MMP20: variants seen among roughly 807,000 people sequenced by gnomAD.
MMP20 encodes matrix metallopeptidase 20.
In MMP20, 50 loss-of-function variants were observed where a neutral mutation model predicts 51.8. The ratio of observed to expected loss-of-function variants is 0.97; its 90% CI spans 0.77 to 1.22. MMP20 has a LOEUF of 1.22. Ranked by LOEUF, MMP20 falls within the 50% of genes most tolerant of loss-of-function variation. The pLI is 0.00. For missense variants in MMP20, 663 were observed against 601.4 expected (o/e 1.10, Z -1.07); for synonymous variants, 244 against 216.2 (o/e 1.13, Z -1.13).
Position 102,609,901 on chromosome 11 carries a change from A to G in MMP20, c.649+4T>C, listed in dbSNP as rs1251799781. The G allele has an allele frequency of 6.2e-7, 1 of 1,614,008 alleles. No homozygotes were observed. Among genetic ancestry groups the G allele is most frequent in the East Asian group, 2.2e-5 (1 of 44,896 alleles). On this transcript the variant is annotated splice_donor_region_variant and intron_variant, in intron 4 of 9. Coordinates refer to ENST00000260228, the MANE Select transcript of MMP20 (RefSeq NM_004771.4). The stretch of plus-strand genomic sequence containing the variant: ...CCAGGTTATGGTGAATTGTGCATAT[A>G]TACCATTCGTTCCCATAGTCCACTT...
rs377682409 is a variant in MMP20, at chr11:102,609,910, G to A, written c.644C>T (p.Thr215Met). The A allele has an allele frequency of 1.4e-4, 232 of 1,613,954 alleles. No homozygotes were observed. Among genetic ancestry groups the A allele is most frequent in the Middle Eastern group, 3.3e-4 (2 of 6,084 alleles). Reference protein sequence around the residue: ...FDNAEKWTMGTNGFNLFTVAA... With the variant: ...FDNAEKWTMGMNGFNLFTVAA... ...GGTGAATTGTGCATATATACCATTC[G>A]TTCCCATAGTCCACTTCTCAGCATT... Residue 215 changes from threonine to methionine, a missense_variant, in exon 4 of 10, where the codon ACG becomes ATG. By Grantham distance (81) the Thr-to-Met change is moderately conservative. Transcript: ENST00000260228.
rs549104854 is a variant in MMP20 at position 102,585,908 on chromosome 11, C to T, written c.1248-6766G>A. On this transcript the variant is annotated intron_variant, in intron 8 of 9. Coordinates refer to ENST00000260228, the MANE Select transcript of MMP20 (RefSeq NM_004771.4). ...TTGTTTTTATTCTATTGATATGGGA[C>T]ATTACATTAATTGATTTTTGGATGA... Among the ~76,000 whole-genome samples the T allele has an allele frequency of 1.4e-4, 21 of 152,150 alleles. No homozygotes were observed. In the East Asian group the frequency reaches 2.9e-3, roughly 21 times the overall value.
At position 102,608,954 on chromosome 11, in the gene MMP20, C is replaced by T; in HGVS notation, c.794G>A (p.Gly265Glu). The change falls in exon 5 of 10, where the codon GGG becomes GAG. Residue 265 changes from glycine to glutamate, a missense_variant. Transcript: ENST00000260228. The part of the protein sequence containing the change: ...GFHLPKDDVK[G>E]IQALYGPRKV... ...AATCTTACCGTATAATGCCTGGATC[C>T]CTTTCACATCATCTTTGGGGAGGTG... 6.2e-7 allele frequency: 1 copy of T among 1,613,984 alleles called. No homozygotes were observed. The highest frequency in any genetic ancestry group is 8.5e-7 in the Non-Finnish European group (1 of 1,179,964).
intron 6 of MMP20, among the ~76,000 whole-genome samples, chr11:102,598,058 G>T (rs1170970025): frequency 6.6e-6 from 1 of 151,978 alleles, no homozygotes; most frequent in Admixed American, 6.6e-5. Context: ...TAGACACCAT[G>T]CCTGGCCAAA....
chr11:102,589,768 T>C (rs1301805258), intron 8 of MMP20, among the ~76,000 whole-genome samples: 1 of 152,188 alleles, frequency 6.6e-6, no homozygotes, highest in East Asian at 1.9e-4. Flanking sequence ...GTAGGTTGAA[T>C]GTGGTAGTTT....
chr11:102,577,277 A>T lies in MMP20; in HGVS notation c.*49T>A. ...GCTTTAGTCCTTAAGATCCAGTTAG[A>T]GGCTGCTTGTAGTCATCCTCATTGC... On this transcript the variant is annotated 3_prime_UTR_variant, in exon 10 of 10. Coordinates refer to ENST00000260228, the MANE Select transcript of MMP20 (RefSeq NM_004771.4). The T allele has an allele frequency of 3.2e-6, 4 of 1,256,302 alleles. No individual in the cohort carries two copies. Among genetic ancestry groups the T allele is most frequent in the Non-Finnish European group, 4.7e-6 (4 of 854,200 alleles). 77.8% of individuals were successfully genotyped at this position (1,256,302 alleles called of 1,614,324 possible).
intron 6 of MMP20, among the ~76,000 whole-genome samples, chr11:102,600,356 C>G (rs1459752471): frequency 6.6e-6 from 1 of 152,160 alleles, no homozygotes; most frequent in African/African-American, 2.4e-5. Flanking sequence ...TGAACAGTTC[C>G]CTCTTTGAAA....
chr11:102,580,167 A>G (rs1390344349), intron 8 of MMP20, among the ~76,000 whole-genome samples: 1 of 152,260 alleles, frequency 6.6e-6, no homozygotes, highest in Non-Finnish European at 1.5e-5. Flanking sequence ...CCAGCATTCA[A>G]TGATAACTCT....
At chr11:102,587,847 G>T (rs1347505070) in intron 8 of MMP20, among the ~76,000 whole-genome samples, 1 of 152,098 alleles carries the variant, frequency 6.6e-6, no homozygotes, top group Non-Finnish European at 1.5e-5. Flanking sequence ...AACCTAAAAT[G>T]TATCTGCTGT....
Position 102,577,014 on chromosome 11 carries a change from A to C in MMP20, c.*312T>G. 1 of 319,258 alleles carries C rather than the reference A, an allele frequency of 3.1e-6. No homozygotes were observed. The highest frequency in any genetic ancestry group is 6.0e-6 in the Non-Finnish European group (1 of 168,022). The allele number at this position is 319,258 out of a possible 1,614,324, so 19.8% of individuals were successfully genotyped here. On this transcript the variant is annotated 3_prime_UTR_variant, in exon 10 of 10. Transcript: ENST00000260228. ...ATCCACCACTAGTCTTCCTCCTGGA[A>C]ATAAAAATCAAACGGATCAATCTGC...
At chr11:102,614,768 G>A (rs1859646251) in intron 2 of MMP20, among the ~76,000 whole-genome samples, 1 of 150,610 alleles carries the variant, frequency 6.6e-6, no homozygotes, top group Non-Finnish European at 1.5e-5. Flanking sequence ...ACTCACTGGT[G>A]TGCTGGAACA....
chr11:102,577,476 T>C (rs756414773), intron 9 of MMP20, 50 bp from the exon 10 acceptor site: 4 of 1,250,582 alleles, frequency 3.2e-6, no homozygotes, highest in African/African-American at 2.9e-5. Flanking sequence ...CCAGCACATA[T>C]ATAAATGGAA....
chr11:102,578,499 G>A (rs1431543958), intron 9 of MMP20, among the ~76,000 whole-genome samples: 1 of 152,160 alleles, frequency 6.6e-6, no homozygotes, highest in Non-Finnish European at 1.5e-5. Flanking sequence ...TTATGATCTA[G>A]CTGACTAATC....
rs756022718 is a variant in MMP20 at position 102,616,903 on chromosome 11, T to G, written c.283A>C (p.Ile95Leu). 3.1e-6 allele frequency: 5 copies of G among 1,614,120 alleles called. No homozygotes were observed. In the South Asian group the frequency reaches 5.5e-5, roughly 18 times the overall value. Residue 95 changes from isoleucine to leucine, a missense_variant, in exon 2 of 10, where the codon ATC (isoleucine) becomes CTC (leucine). Ile to Leu is a conservative substitution (Grantham distance 5, BLOSUM62 2). Transcript: ENST00000260228. Reference sequence around the variant, plus strand: ...GGAACTCCACAGCGAGGCTTCTTGATCACGTTCATTGTGGTCTGGTCTAAC... The same window carrying G: ...GGAACTCCACAGCGAGGCTTCTTGAGCACGTTCATTGTGGTCTGGTCTAAC... ...GKLDQTTMNV[I>L]KKPRCGVPDV...
At chr11:102,613,219 G>A (rs548812135) in intron 2 of MMP20, among the ~76,000 whole-genome samples, 2 of 152,282 alleles carry the variant, frequency 1.3e-5, no homozygotes, top group Non-Finnish European at 2.9e-5. Context: ...TTTCTGCTCT[G>A]AAGCCCAGGG....
At chr11:102,600,928 T>A (rs1252927442) in intron 6 of MMP20, among the ~76,000 whole-genome samples, 1 of 152,122 alleles carries the variant, frequency 6.6e-6, no homozygotes, top group African/African-American at 2.4e-5. Flanking sequence ...CCACTGTTGA[T>A]CACTTAAAAA....
intron 8 of MMP20, among the ~76,000 whole-genome samples, chr11:102,584,417 T>C (rs1859230993): frequency 6.6e-6 from 1 of 152,230 alleles, no homozygotes; most frequent in Non-Finnish European, 1.5e-5. Flanking sequence ...ATTGGCCATT[T>C]GTATATCTTT....
intron 2 of MMP20, 47 bp from the exon 3 acceptor site, chr11:102,611,950 A>G (rs189382069): frequency 7.2e-5 from 113 of 1,570,744 alleles, no homozygotes; most frequent in Admixed American, 1.8e-4. Flanking sequence ...ACTGCTCCGA[A>G]GAAGGCAAGA....
At chr11:102,610,479 A>C (rs1367225228) in intron 3 of MMP20, among the ~76,000 whole-genome samples, 8 of 152,334 alleles carry the variant, frequency 5.3e-5, no homozygotes, top group East Asian at 1.9e-4. Flanking sequence ...GTGATAGTGA[A>C]TTGAACAAGT....
Sources: allele counts gnomAD v4.1 joint callset (sites outside exome capture counted in the v4.1 genomes callset), GRCh38; gene constraint gnomAD v4.1.1; transcripts MANE v1.5; gene names NCBI Gene and HGNC (gene_info 2026-07-23, HGNC 2026-07-21).